The following CPEB3 variants were observed in gnomAD, a reference collection of about 807,000 sequenced individuals.
The protein encoded by CPEB3 is cytoplasmic polyadenylation element-binding protein 3.
In CPEB3, 20 loss-of-function variants were observed where a neutral mutation model predicts 67.2. The ratio of observed to expected loss-of-function variants is 0.30; its 90% CI spans 0.21 to 0.43. CPEB3 has a LOEUF of 0.43. Ranked by LOEUF, CPEB3 falls within the 20% of genes least tolerant of loss-of-function variation. CPEB3 has a pLI of 1.00. For missense variants in CPEB3, 746 were observed against 968.6 expected (o/e 0.77, Z 3.05); for synonymous variants, 376 against 393.1 (o/e 0.96, Z 0.51).
chr10:92,210,923 C>A (rs1850049387), intron 2 of CPEB3, among the ~76,000 whole-genome samples: 1 of 152,096 alleles, frequency 6.6e-6, no homozygotes, highest in South Asian at 2.1e-4. Context: ...TGTAATCCCA[C>A]TACTCAGGAG....
chr10:92,262,539 A>C (rs2134906891), intron 1 of CPEB3, among the ~76,000 whole-genome samples: 1 of 152,256 alleles, frequency 6.6e-6, no homozygotes, highest in South Asian at 2.1e-4. Context: ...CAACCCAGGC[A>C]ATCTAGCTCT....
intron 2 of CPEB3, among the ~76,000 whole-genome samples, chr10:92,197,342 C>T (rs904208525): frequency 2.6e-5 from 4 of 151,938 alleles, no homozygotes; most frequent in African/African-American, 9.7e-5. Flanking sequence ...AGGAAGTCTG[C>T]AAAAACAGAA....
intron 2 of CPEB3, among the ~76,000 whole-genome samples, chr10:92,230,045 TAAA>T (rs770816715): frequency 7.2e-6 from 1 of 138,682 alleles, no homozygotes. Context: ...AAACTCCGTC[TAAA>T]AAAAAAAAAA....
At chr10:92,146,420 T>C (rs1846684909) in intron 4 of CPEB3, among the ~76,000 whole-genome samples, 1 of 151,650 alleles carries the variant, frequency 6.6e-6, no homozygotes, top group Non-Finnish European at 1.5e-5. Flanking sequence ...AAAATTCCCC[T>C]CTAAAATAAA....
intron 7 of CPEB3, among the ~76,000 whole-genome samples, chr10:92,094,072 C>A (rs975109313): frequency 1.3e-5 from 2 of 151,920 alleles, no homozygotes; most frequent in African/African-American, 4.8e-5. Context: ...CCAGGGTGGT[C>A]TCAAACTCTT....
intron 4 of CPEB3, among the ~76,000 whole-genome samples, chr10:92,155,291 T>A (rs1238383544): frequency 6.6e-6 from 1 of 152,172 alleles, no homozygotes; most frequent in Non-Finnish European, 1.5e-5. Context: ...TAATCATAGG[T>A]AGAGGGAAGT....
chr10:92,093,995 C>T (rs1843736571), intron 7 of CPEB3, among the ~76,000 whole-genome samples: 1 of 152,038 alleles, frequency 6.6e-6, no homozygotes, highest in Admixed American at 6.5e-5. Flanking sequence ...GTTGGAATTA[C>T]CGGCACCTGC....
At chr10:92,216,510 T>A in intron 2 of CPEB3, 2 of 1,613,028 alleles carry the variant, frequency 1.2e-6, no homozygotes. Context: ...CAGAAGCAGA[T>A]TCGGCGCGGG....
At chr10:92,256,520 C>G (rs1293055960) in intron 1 of CPEB3, among the ~76,000 whole-genome samples, 1 of 151,968 alleles carries the variant, frequency 6.6e-6, no homozygotes, top group African/African-American at 2.4e-5. Flanking sequence ...TCCTGAGTAG[C>G]TGGGACTACA....
At chr10:92,272,349 G>C (rs1235863050) in intron 1 of CPEB3, 1 of 152,022 alleles carries the variant, frequency 6.6e-6, no homozygotes, top group African/African-American at 2.4e-5. Context: ...TACCTTTCCT[G>C]CCACAGTCTG....
intron 3 of CPEB3, among the ~76,000 whole-genome samples, chr10:92,191,656 T>C (rs1848992092): frequency 6.6e-6 from 1 of 152,144 alleles, no homozygotes; most frequent in Non-Finnish European, 1.5e-5. Context: ...AAAGACATAA[T>C]GGTTCATACA....
At chr10:92,277,460 C>T (rs1173465555) in intron 1 of CPEB3, among the ~76,000 whole-genome samples, 2 of 152,196 alleles carry the variant, frequency 1.3e-5, no homozygotes, top group East Asian at 3.8e-4. Flanking sequence ...AAAGTAAGGG[C>T]TTATTTCTGG....
At chr10:92,189,278 A>G (rs1454951557) in intron 3 of CPEB3, among the ~76,000 whole-genome samples, 8 of 152,214 alleles carry the variant, frequency 5.3e-5, no homozygotes, top group Non-Finnish European at 1.2e-4. Flanking sequence ...TCCTTCAATA[A>G]TCACTACTTA....
chr10:92,093,651 C>T (rs371163321), intron 7 of CPEB3, among the ~76,000 whole-genome samples: 9 of 151,460 alleles, frequency 5.9e-5, no homozygotes, highest in African/African-American at 2.2e-4. Flanking sequence ...TACAGGTGCC[C>T]GCCATCATGC....
chr10:92,057,713 T>C (rs1450975999), intron 9 of CPEB3, among the ~76,000 whole-genome samples: 2 of 152,206 alleles, frequency 1.3e-5, no homozygotes, highest in Non-Finnish European at 2.9e-5. Flanking sequence ...ACAGGGGTGC[T>C]TGTGTCACTC....
chr10:92,195,196 G>C (rs1056681335), intron 2 of CPEB3, among the ~76,000 whole-genome samples: 3 of 152,108 alleles, frequency 2.0e-5, no homozygotes, highest in East Asian at 3.8e-4. Context: ...ACAGTGATGA[G>C]AGATTATTTT....
chr10:92,210,681 C>T (rs1025460675), intron 2 of CPEB3, among the ~76,000 whole-genome samples: 3 of 152,192 alleles, frequency 2.0e-5, no homozygotes, highest in Non-Finnish European at 4.4e-5. Context: ...AACTACTCTT[C>T]ATTTGAATAA....
chr10:92,082,594 T>C (rs1843200229), intron 8 of CPEB3, among the ~76,000 whole-genome samples: 2 of 152,140 alleles, frequency 1.3e-5, no homozygotes, highest in African/African-American at 4.8e-5. Context: ...TATGCCTTTA[T>C]ATTGGTATAG....
At chr10:92,062,846 T>C (rs776464315) in intron 9 of CPEB3, among the ~76,000 whole-genome samples, 2 of 152,164 alleles carry the variant, frequency 1.3e-5, no homozygotes, top group Non-Finnish European at 2.9e-5. Flanking sequence ...AATATTAGAG[T>C]CCCATGCAGA....
Sources: gnomAD v4.1 joint callset for allele counts (sites outside exome capture counted in the v4.1 genomes callset) on GRCh38, gnomAD v4.1.1 for gene constraint, MANE v1.5 for transcripts, NCBI Gene and HGNC (gene_info 2026-07-23, HGNC 2026-07-21) for gene names.